Variants in PRKD1 observed in about 807,000 individuals in gnomAD.
The protein encoded by PRKD1 is serine/threonine-protein kinase D1.
In PRKD1, 63 loss-of-function variants were observed where a neutral mutation model predicts 95.9. That is an observed-to-expected ratio of 0.66 (90% CI 0.54 to 0.81). PRKD1 has a LOEUF of 0.81. Ranked by LOEUF, PRKD1 falls within the 30% of genes least tolerant of loss-of-function variation. PRKD1 has a pLI of 0.00. For missense variants in PRKD1, 1,048 were observed against 1,165.3 expected, an observed-to-expected ratio of 0.90 and a Z score of 1.47; for synonymous variants, 425 against 423.1, an observed-to-expected ratio of 1.00 and a Z score of -0.05.
chr14:29,583,530 T>C (rs1040740286), intron 16 of PRKD1, among the ~76,000 whole-genome samples: 5 of 152,160 alleles, frequency 3.3e-5, no homozygotes, highest in African/African-American at 1.2e-4. Flanking sequence ...TTATACCTCC[T>C]CATTTATTCT....
intron 4 of PRKD1, among the ~76,000 whole-genome samples, chr14:29,646,554 T>C (rs1269427175): frequency 6.6e-6 from 1 of 151,822 alleles, no homozygotes; most frequent in African/African-American, 2.4e-5. Flanking sequence ...GATAGATAGA[T>C]AGATAGATAG....
Position 29,796,376 on chromosome 14 carries a change from G to A in PRKD1, c.265-70702C>T, listed in dbSNP as rs538068188. Among the ~76,000 whole-genome samples, 4 of 151,970 alleles carry A rather than the reference G, an allele frequency of 2.6e-5. No homozygotes were observed. The South Asian group carries it at 6.2e-4, about 24-fold the overall frequency. Reference sequence around the variant, plus strand: ...CTTTATTGATTCTTTTTTGTTTCTGGTGGAAGATGCAAAACTTGTCTATTA... The same window carrying A: ...CTTTATTGATTCTTTTTTGTTTCTGATGGAAGATGCAAAACTTGTCTATTA... On this transcript the variant is annotated intron_variant, in intron 1 of 17. Transcript: ENST00000331968.
chr14:29,825,613 A>G (rs915827179), intron 1 of PRKD1, among the ~76,000 whole-genome samples: 17 of 152,116 alleles, frequency 1.1e-4, no homozygotes, highest in African/African-American at 4.1e-4. Flanking sequence ...AAAAAAATGT[A>G]AAGAGGATAG....
At chr14:29,613,324 A>G (rs964272094) in intron 13 of PRKD1, among the ~76,000 whole-genome samples, 9 of 152,214 alleles carry the variant, frequency 5.9e-5, no homozygotes, top group African/African-American at 1.9e-4. Flanking sequence ...CACACTTAGC[A>G]ACATTATTCT....
intron 2 of PRKD1, among the ~76,000 whole-genome samples, chr14:29,706,023 C>G (rs1885071826): frequency 6.6e-6 from 1 of 152,100 alleles, no homozygotes; most frequent in African/African-American, 2.4e-5. Flanking sequence ...AACTGCCAAA[C>G]TGTTTTCCAA....
chr14:29,605,137 G>A (rs1361759722), intron 13 of PRKD1, among the ~76,000 whole-genome samples: 1 of 151,930 alleles, frequency 6.6e-6, no homozygotes, highest in Non-Finnish European at 1.5e-5. Flanking sequence ...CTCTTTTACA[G>A]GGATCCACCA....
intron 1 of PRKD1, among the ~76,000 whole-genome samples, chr14:29,811,242 G>T (rs1336739941): frequency 6.6e-6 from 1 of 152,130 alleles, no homozygotes; most frequent in African/African-American, 2.4e-5. Flanking sequence ...CAGGCACAGG[G>T]ATATCTGCAC....
In PRKD1 at chr14:29,777,241, A is replaced by C. The variant is rs561013763; in HGVS notation, c.265-51567T>G. Among the ~76,000 whole-genome samples the C allele has an allele frequency of 3.9e-5, 6 of 152,248 alleles. No individual in the cohort carries two copies. In the South Asian group the frequency reaches 1.0e-3, roughly 26 times the overall value. On this transcript the variant is annotated intron_variant, in intron 1 of 17. Coordinates refer to ENST00000331968, the MANE Select transcript of PRKD1 (RefSeq NM_002742.3). ...CTAGGAAGAAACTGCATCAACTAAC[A>C]AGCAAAATAACCAGCTAAATCATAA...
intron 1 of PRKD1, among the ~76,000 whole-genome samples, chr14:29,923,727 C>T (rs1411138446): frequency 2.0e-5 from 3 of 150,676 alleles, no homozygotes; most frequent in Non-Finnish European, 4.4e-5. Context: ...ATATCAGTTG[C>T]CTTTCTAATA....
At chr14:29,635,522 C>T (rs1473400412) in intron 7 of PRKD1, among the ~76,000 whole-genome samples, 1 of 152,236 alleles carries the variant, frequency 6.6e-6, no homozygotes, top group East Asian at 1.9e-4. Flanking sequence ...CTCTCATGAA[C>T]AATTTGTTTG....
At chr14:29,780,427 TA>T in intron 1 of PRKD1, among the ~76,000 whole-genome samples, 1 of 152,196 alleles carries the variant, frequency 6.6e-6, no homozygotes, top group Non-Finnish European at 1.5e-5. Context: ...ACCAAGAACT[TA>T]AACAAATTTA....
At chr14:29,672,255 G>A (rs1008751177) in intron 2 of PRKD1, among the ~76,000 whole-genome samples, 1 of 151,808 alleles carries the variant, frequency 6.6e-6, no homozygotes, top group East Asian at 1.9e-4. Context: ...GCAGGAGAAT[G>A]GCGTGAACTT....
chr14:29,597,573 A>G lies in PRKD1; in HGVS notation c.2352T>C (p.Asn784=). The G allele has an allele frequency of 6.2e-7, 1 of 1,614,002 alleles. No individual in the cohort carries two copies. The highest frequency in any genetic ancestry group is 8.5e-7 in the Non-Finnish European group (1 of 1,179,948). ...TTTGGTCGTGTATGTCTTCATCTTC[A>G]TTAAATGGGAATGTGCCGCTTAGGC... The part of the protein sequence containing the change: ...YVSLSGTFPF[N]EDEDIHDQIQ... Residue 784 remains asparagine, a synonymous_variant, in exon 16 of 18, where the codon AAT becomes AAC. Coordinates refer to ENST00000331968, the MANE Select transcript of PRKD1 (RefSeq NM_002742.3).
chr14:29,775,922 G>A (rs1029720620), intron 1 of PRKD1, among the ~76,000 whole-genome samples: 3 of 152,108 alleles, frequency 2.0e-5, no homozygotes, highest in Admixed American at 6.5e-5. Context: ...CACCTCACAT[G>A]GCCAGGTGCC....
chr14:29,725,724 A>G (rs1014682692), intron 1 of PRKD1, 50 bp from the exon 2 acceptor site: 22 of 1,579,540 alleles, frequency 1.4e-5, no homozygotes, highest in Non-Finnish European at 1.8e-5. Flanking sequence ...CCTTCCAAAT[A>G]TTTTGTTTTA....
chr14:29,826,828 TATATATATATAC>T (rs1566623097), intron 1 of PRKD1, among the ~76,000 whole-genome samples: 11 of 35,276 alleles, frequency 3.1e-4, no homozygotes, highest in Admixed American at 4.5e-4. Context: ...TATATATATA[TATATATATATAC>T]ACACATATAT....
intron 1 of PRKD1, among the ~76,000 whole-genome samples, chr14:29,812,812 A>G (rs1566614874): frequency 1.3e-5 from 2 of 152,146 alleles, no homozygotes; most frequent in Admixed American, 1.3e-4. Flanking sequence ...TTTTTTGTTA[A>G]AACATATCTA....
chr14:29,870,001 G>A (rs535736797), intron 1 of PRKD1, among the ~76,000 whole-genome samples: 194 of 152,118 alleles, frequency 1.3e-3, no homozygotes, highest in Non-Finnish European at 2.1e-3. Flanking sequence ...CTTCAATATG[G>A]TTAACTTATG....
At chr14:29,626,727 T>TC (rs1196481463) in intron 11 of PRKD1, among the ~76,000 whole-genome samples, 171 bp from the exon 12 acceptor site, 1 of 151,108 alleles carries the variant, frequency 6.6e-6, no homozygotes, top group African/African-American at 2.4e-5. Flanking sequence ...TCTTTTTTTT[T>TC]TTTTTGAGAT....
Sources: allele counts gnomAD v4.1 joint callset (sites outside exome capture counted in the v4.1 genomes callset), GRCh38; gene constraint gnomAD v4.1.1; transcripts MANE v1.5; gene names NCBI Gene and HGNC (gene_info 2026-07-23, HGNC 2026-07-21).